SVOPL: variants seen among roughly 807,000 people sequenced by gnomAD.
The protein encoded by SVOPL is SVOP like, also known as putative transporter SVOPL.
Under a neutral mutation model 61.0 loss-of-function variants are expected in SVOPL, and 60 were observed. That is an observed-to-expected ratio of 0.98 (90% CI 0.80 to 1.22). The LOEUF is 1.22. Among genes scored for constraint, SVOPL ranks in the 50% most tolerant of loss-of-function variants. The pLI is 0.00. For missense variants in SVOPL, 662 were observed against 643.9 expected, an observed-to-expected ratio of 1.03 and a Z score of -0.30; for synonymous variants, 279 against 250.0, an observed-to-expected ratio of 1.12 and a Z score of -1.09.
At chr7:138,687,106 C>T (rs972709822) in intron 1 of SVOPL, among the ~76,000 whole-genome samples, 2 of 151,950 alleles carry the variant, frequency 1.3e-5, no homozygotes, top group African/African-American at 4.8e-5. Context: ...CTCAGCCCAT[C>T]TGGGAGCCTG....
intron 14 of SVOPL, among the ~76,000 whole-genome samples, chr7:138,608,114 G>C (rs1798834357): frequency 6.6e-6 from 1 of 152,186 alleles, no homozygotes; most frequent in Non-Finnish European, 1.5e-5. Flanking sequence ...GCCATAGGAG[G>C]AAAGATTGGA....
At chr7:138,666,254 A>G (rs1236349893) in intron 4 of SVOPL, among the ~76,000 whole-genome samples, 1 of 152,230 alleles carries the variant, frequency 6.6e-6, no homozygotes, top group African/African-American at 2.4e-5. Context: ...GCAATCACCT[A>G]TCATTCCTTT....
At chr7:138,660,983 T>G in intron 5 of SVOPL, 2 of 982,886 alleles carry the variant, frequency 2.0e-6, no homozygotes, top group Non-Finnish European at 1.2e-6. Context: ...ACTCCTGTAC[T>G]TTAATGTTTT....
chr7:138,628,425 G>A (rs1799998900), intron 10 of SVOPL, 62 bp from the exon 11 acceptor site: 3 of 1,546,972 alleles, frequency 1.9e-6, no homozygotes, highest in South Asian at 1.1e-5. Context: ...GATGAGTGGG[G>A]AGGGGATACC....
chr7:138,633,510 C>T (rs918584457), intron 9 of SVOPL, among the ~76,000 whole-genome samples: 1 of 152,190 alleles, frequency 6.6e-6, no homozygotes, highest in African/African-American at 2.4e-5. Context: ...TAGAGGCTTC[C>T]TGAGGCCTCA....
At chr7:138,639,891 T>G (rs920415794) in intron 9 of SVOPL, among the ~76,000 whole-genome samples, 5 of 148,338 alleles carry the variant, frequency 3.4e-5, no homozygotes, top group African/African-American at 1.2e-4. Flanking sequence ...TAGTTGGGAC[T>G]ACAGGTGTGC....
chr7:138,619,580 A>AG (rs1799457412), intron 14 of SVOPL, among the ~76,000 whole-genome samples: 2 of 150,742 alleles, frequency 1.3e-5, no homozygotes, highest in Non-Finnish European at 1.5e-5. Flanking sequence ...AAAAAAAAAA[A>AG]AAAAAAAAGT....
At position 138,673,131 on chromosome 7, in the gene SVOPL, C is replaced by A. The variant is rs538738679; in HGVS notation, c.175-1014G>T. Among the ~76,000 whole-genome samples, 8 of 151,360 alleles carry A rather than the reference C, an allele frequency of 5.3e-5. No individual in the cohort carries two copies. The East Asian group carries it at 1.6e-3, about 30-fold the overall frequency. On this transcript the variant is annotated intron_variant, in intron 3 of 15. Transcript: ENST00000674285. ...TGAATTTGTTTGGCACATGTTCTGT[C>A]GATAACATTGATAGAATATCTATAT...
At chr7:138,631,629 C>T (rs991417225) in intron 9 of SVOPL, among the ~76,000 whole-genome samples, 3 of 152,058 alleles carry the variant, frequency 2.0e-5, no homozygotes, top group Non-Finnish European at 4.4e-5. Flanking sequence ...AGTGCAATGG[C>T]GTGATCTTGG....
chr7:138,627,978 C>T (rs1799967871), intron 11 of SVOPL, among the ~76,000 whole-genome samples, 180 bp downstream of exon 11: 1 of 152,176 alleles, frequency 6.6e-6, no homozygotes, highest in African/African-American at 2.4e-5. Context: ...CAAAGGTCTA[C>T]TCCTCCAGAC....
At chr7:138,633,434 C>T (rs968877793) in intron 9 of SVOPL, among the ~76,000 whole-genome samples, 2 of 152,062 alleles carry the variant, frequency 1.3e-5, no homozygotes, top group African/African-American at 2.4e-5. Flanking sequence ...AAAAGAGCCT[C>T]GCACCTCTCT....
intron 9 of SVOPL, among the ~76,000 whole-genome samples, chr7:138,633,030 A>C (rs1300023375): frequency 1.3e-5 from 2 of 152,144 alleles, no homozygotes; most frequent in Non-Finnish European, 2.9e-5. Context: ...TCTTTTAATC[A>C]TAGTTGCCTA....
At chr7:138,619,202 G>T (rs1354619515) in intron 14 of SVOPL, among the ~76,000 whole-genome samples, 1 of 152,112 alleles carries the variant, frequency 6.6e-6, no homozygotes, top group African/African-American at 2.4e-5. Context: ...AAACCCAGAA[G>T]TTGGAGGCCA....
At chr7:138,692,867 A>C (rs62485336) in intron 1 of SVOPL, among the ~76,000 whole-genome samples, 3,418 of 152,316 alleles carry the variant, frequency 0.022, 54 homozygotes, top group Non-Finnish European at 0.036. Flanking sequence ...TATATTTGAC[A>C]AGGGGACAGC....
intron 1 of SVOPL, among the ~76,000 whole-genome samples, chr7:138,686,338 G>A (rs1235601175): frequency 3.3e-5 from 5 of 150,294 alleles, no homozygotes; most frequent in Admixed American, 6.6e-5. Flanking sequence ...CGGGGGGGGC[G>A]GAGGTTGCAG....
chr7:138,656,516 A>G lies in SVOPL; in HGVS notation c.471-5T>C. 6.2e-7 allele frequency: 1 copy of G among 1,613,742 alleles called. No homozygotes were observed. The highest frequency in any genetic ancestry group is 8.5e-7 in the Non-Finnish European group (1 of 1,179,918). ...AATTCAGTCTTTATGATTAACCTAA[A>G]CAGGAAGCAGGAAAAAGCATAATTT... is the stretch of plus-strand genomic sequence containing the variant. On this transcript the variant is annotated splice_region_variant and splice_polypyrimidine_tract_variant and intron_variant, in intron 6 of 15. Transcript: ENST00000674285.
chr7:138,625,775 A>G (rs1799863853), intron 13 of SVOPL, among the ~76,000 whole-genome samples, 194 bp downstream of exon 13: 1 of 152,226 alleles, frequency 6.6e-6, no homozygotes, highest in South Asian at 2.1e-4. Flanking sequence ...CCTATCTTCC[A>G]GAGATTGGCT....
chr7:138,631,359 G>A lies in SVOPL; in HGVS notation c.790-1237C>T, dbSNP rs1220232899. On this transcript the variant is annotated intron_variant, in intron 9 of 15. Coordinates refer to ENST00000674285, the MANE Select transcript of SVOPL (RefSeq NM_001139456.2). ...CGAACAATCCAATTACACACCTTAA[G>A]TTATTCTAAAATGTATGAGTAAGTT... is the stretch of plus-strand genomic sequence containing the variant. 5.3e-5 allele frequency among the ~76,000 whole-genome samples: 8 copies of A among 152,104 alleles called. No individual in the cohort carries two copies. The East Asian group carries it at 1.5e-3, about 29-fold the overall frequency.
At chr7:138,695,513 A>G (rs1269010260) in intron 1 of SVOPL, among the ~76,000 whole-genome samples, 4 of 152,188 alleles carry the variant, frequency 2.6e-5, no homozygotes, top group Admixed American at 2.0e-4. Context: ...TCTGTCTCAA[A>G]AAGAAAAAAG....
Sources: allele counts gnomAD v4.1 joint callset (sites outside exome capture counted in the v4.1 genomes callset), GRCh38; gene constraint gnomAD v4.1.1; transcripts MANE v1.5; gene names NCBI Gene and HGNC (gene_info 2026-07-23, HGNC 2026-07-21).